Variants in HPD observed in about 807,000 individuals in gnomAD.
HPD encodes 4-hydroxyphenylpyruvate dioxygenase.
Under a neutral mutation model 56.9 loss-of-function variants are expected in HPD, and 35 were observed. The ratio of observed to expected loss-of-function variants is 0.62; its 90% CI spans 0.47 to 0.82. HPD has a LOEUF of 0.82. Among genes scored for constraint, HPD ranks in the 40% least tolerant of loss-of-function variants. The pLI, the probability that HPD is intolerant of heterozygous loss-of-function variation, is 0.00. For synonymous variants in HPD, 186 were observed against 200.2 expected (o/e 0.93, Z 0.60); for missense variants, 442 against 506.8 (o/e 0.87, Z 1.23).
upstream of HPD, chr12:121,858,964 G>A (rs920281980): frequency 5.6e-5 from 53 of 941,188 alleles, no homozygotes; most frequent in Non-Finnish European, 7.5e-5. Context: ...GCCCTGGAAG[G>A]TTCCAGGCCT....
At chr12:121,853,689 A>T (rs1456151325) in intron 7 of HPD, among the ~76,000 whole-genome samples, 2 of 151,742 alleles carry the variant, frequency 1.3e-5, no homozygotes, top group African/African-American at 4.8e-5. Context: ...CACGCCTGTA[A>T]TCCCAGCACT....
In HPD at chr12:121,839,768, A is replaced by T; in HGVS notation, c.1142T>A (p.Leu381His). Residue 381 changes from leucine (L) to histidine (H), a missense_variant, in exon 14 of 14, where the codon CTC becomes CAC. By Grantham distance (99) the Leu-to-His change is moderately conservative. Transcript: ENST00000289004. Reference protein sequence around the residue: ...FEEEQNLRGNLTNMETNGVVP... With the variant: ...FEEEQNLRGNHTNMETNGVVP... ...CACCCCATTGGTCTCCATGTTGGTG[A>T]GGTTACCCCGCAGGTTCTGCTCCTC... is the stretch of plus-strand genomic sequence containing the variant. 1 of 1,614,114 alleles carries T rather than the reference A, an allele frequency of 6.2e-7. No homozygotes were observed.
chr12:121,846,870 T>C lies in HPD; in HGVS notation c.823A>G (p.Ile275Val), dbSNP rs773284217. ...QHIALKTEDI[I>V]TAIRHLRERG... The stretch of plus-strand genomic sequence containing the variant: ...GGGAAGGGGGTTCTAACCGCTGTGA[T>C]GATGTCTTCGGTCTTGAGAGCGATG... Residue 275 changes from isoleucine to valine, a missense_variant, in exon 11 of 14, where the codon ATC becomes GTC. By Grantham distance (29) the Ile-to-Val change is conservative. Transcript: ENST00000289004. 13 of 1,613,976 alleles carry C rather than the reference T, an allele frequency of 8.1e-6. No individual in the cohort carries two copies. Among genetic ancestry groups the C allele is most frequent in the Middle Eastern group, 1.6e-4 (1 of 6,084 alleles).
intron 12 of HPD, among the ~76,000 whole-genome samples, chr12:121,842,812 A>G (rs948894164): frequency 2.9e-5 from 4 of 140,280 alleles, no homozygotes; most frequent in Non-Finnish European, 6.0e-5. Context: ...TAGTAGCGCA[A>G]TCTCGGCTCA....
At chr12:121,851,733 G>A (rs376215600) in intron 7 of HPD, among the ~76,000 whole-genome samples, 64,222 of 82,502 alleles carry the variant, frequency 0.78, 26,503 homozygotes, top group Middle Eastern at 0.85. Flanking sequence ...TTTTTGAGAC[G>A]GAGTCTCGCT....
chr12:121,851,908 A>T (rs1877800123), intron 7 of HPD, among the ~76,000 whole-genome samples: 1 of 28,394 alleles, frequency 3.5e-5, no homozygotes, highest in South Asian at 1.3e-3. Context: ...TTTTTTTAGT[A>T]GAGACGGGGT....
chr12:121,874,734 C>T, the HPD span, among the ~76,000 whole-genome samples: 1 of 151,922 alleles, frequency 6.6e-6, no homozygotes, highest in Non-Finnish European at 1.5e-5. Flanking sequence ...TTGGGAGACA[C>T]CTGAAACATC....
At chr12:121,879,802 A>G in the HPD span, among the ~76,000 whole-genome samples, 1 of 152,212 alleles carries the variant, frequency 6.6e-6, no homozygotes, top group Admixed American at 6.6e-5. Context: ...TGTCATGGCA[A>G]TAAATACACA....
chr12:121,884,712 G>A, the HPD span, among the ~76,000 whole-genome samples: 1 of 151,234 alleles, frequency 6.6e-6, no homozygotes, highest in African/African-American at 2.4e-5. Flanking sequence ...ATTTTATCTT[G>A]AAGTGGTTTT....
rs544825543 is a variant in HPD at position 121,857,604 on chromosome 12, C to T, written c.93+153G>A. 50 of 833,000 alleles carry T rather than the reference C, an allele frequency of 6.0e-5. No individual in the cohort carries two copies. In the East Asian group the frequency reaches 8.3e-4, roughly 14 times the overall value. The allele number at this position is 833,000 out of a possible 1,614,324, so 51.6% of individuals were successfully genotyped here. A position where few individuals can be genotyped will look rare whatever the true frequency, so the allele number is the denominator to read the frequency against. On this transcript the variant is annotated intron_variant, in intron 3 of 13. Coordinates refer to ENST00000289004, the MANE Select transcript of HPD (RefSeq NM_002150.3). ...ACATTTTGCTGACAGATAACTTTCC[C>T]GCTGGTGTAATTAGGATTCAGAGTA...
the HPD span, among the ~76,000 whole-genome samples, chr12:121,877,923 T>A: frequency 2.6e-5 from 4 of 152,178 alleles, no homozygotes; most frequent in Non-Finnish European, 4.4e-5. Flanking sequence ...ATCCTTTGAT[T>A]TGAAGATTGT....
At chr12:121,865,417 C>T (rs1225744921), upstream of HPD, among the ~76,000 whole-genome samples, 1 of 151,008 alleles carries the variant, frequency 6.6e-6, no homozygotes, top group Non-Finnish European at 1.5e-5. Context: ...TTATGGGTGC[C>T]CGCCACCACA....
upstream of HPD, among the ~76,000 whole-genome samples, chr12:121,867,765 C>T (rs1031809825): frequency 6.6e-6 from 1 of 152,152 alleles, no homozygotes; most frequent in Admixed American, 6.6e-5. Context: ...CCGCCTGCCT[C>T]GGCCTCCCAA....
the HPD span, among the ~76,000 whole-genome samples, chr12:121,886,987 C>T: frequency 0.058 from 8,824 of 152,208 alleles, 459 homozygotes; most frequent in East Asian, 0.14. Flanking sequence ...GCAACCTCTG[C>T]CTCCCCGGTT....
chr12:121,861,777 A>T (rs1161190513), upstream of HPD, among the ~76,000 whole-genome samples: 1 of 152,190 alleles, frequency 6.6e-6, no homozygotes, highest in Non-Finnish European at 1.5e-5. Context: ...AAACTGACAG[A>T]CTTAAAGGGC....
chr12:121,857,711 TC>T (rs1184398141), intron 3 of HPD, 45 bp downstream of exon 3: 34 of 1,532,480 alleles, frequency 2.2e-5, no homozygotes, highest in Admixed American at 1.0e-4. Flanking sequence ...CAGGCAGCCC[TC>T]TGCCCTGCCG....
chr12:121,875,443 T>G, the HPD span, among the ~76,000 whole-genome samples: 5 of 149,982 alleles, frequency 3.3e-5, no homozygotes, highest in African/African-American at 4.9e-5. Context: ...TTTTTTTTTT[T>G]GAGACATGGT....
At chr12:121,845,423 C>G (rs1249131928) in intron 11 of HPD, among the ~76,000 whole-genome samples, 3 of 147,944 alleles carry the variant, frequency 2.0e-5, no homozygotes. Context: ...AGTGAAACCC[C>G]GTCTCTACTA....
upstream of HPD, among the ~76,000 whole-genome samples, chr12:121,862,297 T>TC (rs1434771188): frequency 2.7e-5 from 4 of 150,716 alleles, no homozygotes; most frequent in Non-Finnish European, 5.9e-5. Context: ...GCTCTGCATT[T>TC]CTTTTTTTTT....
Sources: gnomAD v4.1 joint callset for allele counts (sites outside exome capture counted in the v4.1 genomes callset) on GRCh38, gnomAD v4.1.1 for gene constraint, MANE v1.5 for transcripts, NCBI Gene and HGNC (gene_info 2026-07-23, HGNC 2026-07-21) for gene names.